Variants in TESK1 observed in about 807,000 individuals in gnomAD.
TESK1 encodes testis associated actin remodelling kinase 1.
Under a neutral mutation model 59.9 loss-of-function variants are expected in TESK1, and 18 were observed. The observed-to-expected ratio is 0.30, with a 90% confidence interval of 0.21 to 0.45. The LOEUF is 0.45. TESK1 is among the 20% of genes least tolerant of loss of function. The pLI, the probability that TESK1 is intolerant of heterozygous loss-of-function variation, is 1.00. For missense variants in TESK1, 748 were observed against 840.9 expected, an observed-to-expected ratio of 0.89 and a Z score of 1.37; for synonymous variants, 341 against 357.4, an observed-to-expected ratio of 0.95 and a Z score of 0.52.
chr9:35,609,495 C>T lies in TESK1; in HGVS notation c.1634C>T (p.Ala545Val). Residue 545 changes from alanine (A) to valine (V), a missense_variant, in exon 10 of 10, where the codon GCA becomes GTA. By Grantham distance (64) the Ala-to-Val change is moderately conservative. Transcript: ENST00000336395. The surrounding 1 kb of genome is among the most constrained non-coding windows in gnomAD (Gnocchi z 6.7). ...GCCCAGCATAGCCTGCCCCGGGCGG[C>T]AGCCCTGGAGCGGACAGAACCCTCG... ...NRAQHSLPRA[A>V]ALERTEPSPP... 1.2e-6 allele frequency: 2 copies of T among 1,604,398 alleles called. No homozygotes were observed. The highest frequency in any genetic ancestry group is 1.1e-5 in the South Asian group (1 of 89,828).
Position 35,609,610 on chromosome 9 carries a change from G to C in TESK1, c.1749G>C (p.Met583Ile). 6.2e-7 allele frequency: 1 copy of C among 1,611,898 alleles called. No homozygotes were observed. Among genetic ancestry groups the C allele is most frequent in the Non-Finnish European group, 8.5e-7 (1 of 1,179,948 alleles). The change falls in exon 10 of 10, where the codon ATG becomes ATC. Residue 583 changes from methionine (M) to isoleucine (I), a missense_variant. This residue lies in a region of TESK1 where 447 missense variants were observed against 466.1 expected (regional missense o/e 0.96). Transcript: ENST00000336395. The surrounding 1 kb of genome is among the most constrained non-coding windows in gnomAD (Gnocchi z 6.7). ...LGPFSFGFLS[M>I]CPRPTPAVAR... ...CCTTCAGCTTTGGCTTCCTGTCCAT[G>C]TGCCCCCGCCCCACACCAGCTGTTG...
At position 35,606,947 on chromosome 9, in the gene TESK1, C is replaced by T. The variant is rs759024261; in HGVS notation, c.501C>T (p.His167=). ...LDIARGLRYL[H]SKGVFHRDLT... ...TTGCCCGAGGCCTGCGGTACCTGCA[C>T]TCCAAAGGTGTATTTCACCGCGACC... The change falls in exon 4 of 10, where the codon CAC becomes CAT. Residue 167 remains histidine (H), a synonymous_variant. Transcript: ENST00000336395. The T allele has an allele frequency of 7.4e-6, 12 of 1,610,932 alleles. No individual in the cohort carries two copies. The highest frequency in any genetic ancestry group is 4.0e-5 in the African/African-American group (3 of 74,794).
intron 3 of TESK1, 48 bp downstream of exon 3, chr9:35,606,333 A>G: frequency 6.2e-7 from 1 of 1,605,276 alleles, no homozygotes. Context: ...TTCACCCCCA[A>G]GGATAAAGGG....
In TESK1 at chr9:35,606,403, G is replaced by T. The variant is rs562362152; in HGVS notation, c.390+118G>T. 1.0e-4 allele frequency: 133 copies of T among 1,278,318 alleles called. No homozygotes were observed. In the Admixed American group the frequency reaches 1.1e-3, roughly 11 times the overall value. The allele number at this position is 1,278,318 out of a possible 1,614,324, so 79.2% of individuals were successfully genotyped here. A position where few individuals can be genotyped will look rare whatever the true frequency, so the allele number is the denominator to read the frequency against. On this transcript the variant is annotated intron_variant, in intron 3 of 9. Transcript: ENST00000336395. ...TGAGAGGCAACAGGATCTCCTCTCA[G>T]GGGAGGCTTTCCTGAACTTTCCTTT...
chr9:35,606,857 G>T lies in TESK1; in HGVS notation c.411G>T (p.Leu137Phe). ...ALTEYMNGGT[L>F]EQLLSSPEPL... ...ACCAGTATATGAATGGGGGGACATT[G>T]GAACAGCTGCTCAGCTCCCCTGAAC... Residue 137 changes from leucine (L) to phenylalanine (F), a missense_variant, in exon 4 of 10, where the codon TTG (leucine) becomes TTT (phenylalanine). Around this residue, in one of 3 missense-constraint regions of TESK1, gnomAD observed 168 missense variants for 257.4 expected, o/e 0.65. Coordinates refer to ENST00000336395, the MANE Select transcript of TESK1 (RefSeq NM_006285.3). 1 of 1,610,730 alleles carries T rather than the reference G, an allele frequency of 6.2e-7. No individual in the cohort carries two copies.
At chr9:35,608,354 T>C in intron 8 of TESK1, 41 bp from the exon 9 acceptor site, 1 of 1,610,452 alleles carries the variant, frequency 6.2e-7, no homozygotes, top group Non-Finnish European at 8.5e-7. Context: ...AGACCCTCTT[T>C]CGGAGCACTG....
In TESK1 at chr9:35,609,238, T is replaced by G; in HGVS notation, c.1377T>G (p.Ala459=). 6.2e-7 allele frequency: 1 copy of G among 1,614,116 alleles called. No homozygotes were observed. Among genetic ancestry groups the G allele is most frequent in the Non-Finnish European group, 8.5e-7 (1 of 1,180,008 alleles). Residue 459 remains alanine (A), a synonymous_variant, in exon 10 of 10, where the codon GCT becomes GCG. Coordinates refer to ENST00000336395, the MANE Select transcript of TESK1 (RefSeq NM_006285.3). The surrounding 1 kb of genome is among the most constrained non-coding windows in gnomAD (Gnocchi z 6.7). The part of the protein sequence containing the change: ...ETALPGPGPP[A]VGPSAEEKME... ...CACTGCCAGGTCCTGGCCCTCCCGC[T>G]GTGGGCCCCTCGGCTGAAGAGAAGA...
chr9:35,609,332 G>A lies in TESK1; in HGVS notation c.1471G>A (p.Ala491Thr). ...AGCGCCCCAGCTGCCTCTGGCTGTG[G>A]CCACAGACAACTTCATCAGCACCTG... is the stretch of plus-strand genomic sequence containing the variant. ...GPAPQLPLAV[A>T]TDNFISTCSS... Residue 491 changes from alanine to threonine, a missense_variant, in exon 10 of 10, where the codon GCC (alanine) becomes ACC (threonine). Ala to Thr is a moderately conservative substitution (Grantham distance 58). Transcript: ENST00000336395. This position sits in a 1 kb window ranked among gnomAD's most constrained non-coding sequence, Gnocchi z 6.7. 6.2e-7 allele frequency: 1 copy of A among 1,613,788 alleles called. No individual in the cohort carries two copies. The highest frequency in any genetic ancestry group is 1.1e-5 in the South Asian group (1 of 91,066).
chr9:35,608,959 A>G lies in TESK1; in HGVS notation c.1098A>G (p.Glu366=), dbSNP rs1049388874. ...ACCTCTTCCTGCCCCCATCACCAGA[A>G]TCACCCCCCAACTGGGGGGACAATC... ...RSDLFLPPSP[E]SPPNWGDNLT... Residue 366 remains glutamate, a synonymous_variant, in exon 10 of 10, where the codon GAA becomes GAG. Transcript: ENST00000336395. The G allele has an allele frequency of 1.9e-6, 3 of 1,614,032 alleles. No homozygotes were observed. The highest frequency in any genetic ancestry group is 2.5e-6 in the Non-Finnish European group (3 of 1,179,990).
Position 35,606,367 on chromosome 9 carries a change from C to T in TESK1, c.390+82C>T, listed in dbSNP as rs181028526. 35 of 1,545,330 alleles carry T rather than the reference C, an allele frequency of 2.3e-5. No individual in the cohort carries two copies. In the East Asian group the frequency reaches 2.9e-4, roughly 13 times the overall value. The stretch of plus-strand genomic sequence containing the variant: ...GGAGTCAACAGGCCTGGTGGATCTA[C>T]GGAGGACTAGTGAGAGGCAACAGGA... On this transcript the variant is annotated intron_variant, in intron 3 of 9. Coordinates refer to ENST00000336395, the MANE Select transcript of TESK1 (RefSeq NM_006285.3).
intron 3 of TESK1, 75 bp from the exon 4 acceptor site, chr9:35,606,762 C>T: frequency 6.9e-7 from 1 of 1,458,452 alleles, no homozygotes; most frequent in Non-Finnish European, 9.3e-7. Context: ...GGGAGTGTCC[C>T]CTAGCGTGTA....
rs1425260269 is a variant in TESK1, at chr9:35,606,297, C to T, written c.390+12C>T. On this transcript the variant is annotated intron_variant, in intron 3 of 9. Transcript: ENST00000336395. The stretch of plus-strand genomic sequence containing the variant: ...ACGCTCTTACAGAGGTGAGGATAGG[C>T]CAGGAAGGAGGGATCCCCACCCCCC... 1 of 1,613,574 alleles carries T rather than the reference C, an allele frequency of 6.2e-7. No homozygotes were observed.
intron 9 of TESK1, 130 bp from the exon 10 acceptor site, chr9:35,608,732 C>G (rs1167398502): frequency 1.7e-6 from 2 of 1,167,542 alleles, no homozygotes; most frequent in East Asian, 2.4e-5. Flanking sequence ...GACATCACCC[C>G]TTTCCAAAGC....
rs1314731957 is a variant in TESK1, at chr9:35,605,987, C to T, written c.223C>T (p.Arg75Trp). Reference sequence around the variant, plus strand: ...CGCCGGCTGCTCCTGCCCCCAGGTTCGGCACCGACAGTCAGGGCAAGTCAT... The same window carrying T: ...CGCCGGCTGCTCCTGCCCCCAGGTTTGGCACCGACAGTCAGGGCAAGTCAT... ...AGFFSEVYKV[R>W]HRQSGQVMVL... Residue 75 changes from arginine to tryptophan, a missense_variant, in exon 2 of 10, where the codon CGG becomes TGG. Around this residue, in one of 3 missense-constraint regions of TESK1, gnomAD observed 133 missense variants for 117.4 expected, o/e 1.13. Transcript: ENST00000336395. The T allele has an allele frequency of 6.2e-7, 1 of 1,613,730 alleles. No homozygotes were observed. The highest frequency in any genetic ancestry group is 8.5e-7 in the Non-Finnish European group (1 of 1,179,916).
rs56280235 is a variant in TESK1, at chr9:35,609,580, C to T, written c.1719C>T (p.Leu573=). 1,594 of 1,613,508 alleles carry T rather than the reference C, an allele frequency of 9.9e-4. No homozygotes were observed. The highest frequency in any genetic ancestry group is 1.3e-3 in the Non-Finnish European group (1,490 of 1,179,910). The change falls in exon 10 of 10, where the codon CTC becomes CTT. Residue 573 remains leucine, a synonymous_variant. Coordinates refer to ENST00000336395, the MANE Select transcript of TESK1 (RefSeq NM_006285.3). The surrounding 1 kb of genome is among the most constrained non-coding windows in gnomAD (Gnocchi z 6.7). ...GGCTGCCCTGTCCTGGCTGCTGCCT[C>T]GGCCCCTTCAGCTTTGGCTTCCTGT... ...DEGLPCPGCC[L]GPFSFGFLSM... is the part of the protein sequence containing the mutation.
At chr9:35,605,935 GGCGACCC>G in intron 1 of TESK1, 42 bp from the exon 2 acceptor site, 2 of 1,609,690 alleles carry the variant, frequency 1.2e-6, no homozygotes, top group Non-Finnish European at 1.7e-6. Flanking sequence ...TCCAGACTCC[GGCGACCC>G]GCCCGACCTG....
intron 2 of TESK1, 44 bp downstream of exon 2, chr9:35,606,149 A>G: frequency 6.2e-7 from 1 of 1,614,030 alleles, no homozygotes; most frequent in Non-Finnish European, 8.5e-7. Context: ...GCGGGAGAGA[A>G]AGGGAAAGAT....
rs1822886900 is a variant in TESK1 at position 35,608,165 on chromosome 9, T to C, written c.801T>C (p.Phe267=). The C allele has an allele frequency of 1.9e-6, 3 of 1,614,048 alleles. No individual in the cohort carries two copies. Among genetic ancestry groups the C allele is most frequent in the Non-Finnish European group, 2.5e-6 (3 of 1,180,006 alleles). ...DPDYLPRTED[F]GLDVPAFRTL... The stretch of plus-strand genomic sequence containing the variant: ...CCCTCCTTCTGTCCCCACAGGACTT[T>C]GGCCTGGATGTGCCTGCTTTCCGAA... Residue 267 remains phenylalanine, a synonymous_variant, in exon 8 of 10, where the codon TTT becomes TTC. Coordinates refer to ENST00000336395, the MANE Select transcript of TESK1 (RefSeq NM_006285.3).
chr9:35,606,993 C>A lies in TESK1; in HGVS notation c.537+10C>A. ...CGACCTCACATCCAAGGTAGGCTAG[C>A]AGGGTGGGTGGAGACATGAAAGAGG... On this transcript the variant is annotated intron_variant, in intron 4 of 9. Coordinates refer to ENST00000336395, the MANE Select transcript of TESK1 (RefSeq NM_006285.3). The A allele has an allele frequency of 6.3e-7, 1 of 1,578,732 alleles. No individual in the cohort carries two copies. Among genetic ancestry groups the A allele is most frequent in the Non-Finnish European group, 8.6e-7 (1 of 1,160,084 alleles).
Sources: allele counts gnomAD v4.1 joint callset, GRCh38; gene constraint gnomAD v4.1.1; regional missense constraint gnomAD v4.1.1; non-coding constraint Gnocchi (gnomAD v3.1); transcripts MANE v1.5; gene names NCBI Gene and HGNC (gene_info 2026-07-23, HGNC 2026-07-21).